ATP2B4: variants seen among roughly 807,000 people sequenced by gnomAD.
ATP2B4 encodes the protein plasma membrane calcium-transporting ATPase 4.
In ATP2B4, 39 loss-of-function variants were observed where a neutral mutation model predicts 110.3. That is an observed-to-expected ratio of 0.35 (90% confidence interval 0.27 to 0.46). The LOEUF is 0.46. Ranked by LOEUF, ATP2B4 falls within the 20% of genes least tolerant of loss-of-function variation. ATP2B4 has a pLI of 1.00. For missense variants in ATP2B4, 1,135 were observed against 1,530.9 expected (o/e 0.74, Z 4.32); for synonymous variants, 538 against 571.7 (o/e 0.94, Z 0.84).
intron 15 of ATP2B4, among the ~76,000 whole-genome samples, chr1:203,718,150 A>C (rs1157085267): frequency 2.0e-5 from 3 of 152,056 alleles, no homozygotes; most frequent in Non-Finnish European, 4.4e-5. Flanking sequence ...TCGTGAATTC[A>C]TATTTCTGTT....
chr1:203,711,842 A>C, intron 12 of ATP2B4, 118 bp from the exon 13 acceptor site: 4 of 1,158,976 alleles, frequency 3.5e-6, no homozygotes, highest in Non-Finnish European at 4.9e-6. Flanking sequence ...CCCATGCTGC[A>C]TGGCACCACT....
chr1:203,696,762 G>A (rs973747452), intron 2 of ATP2B4, among the ~76,000 whole-genome samples: 2 of 152,088 alleles, frequency 1.3e-5, no homozygotes, highest in Non-Finnish European at 2.9e-5. Context: ...TGTATGTGGT[G>A]CATGTTCTGT....
rs939519570 is a variant in ATP2B4, at chr1:203,725,128, G to A, written c.3132+1140G>A. ...CCTGACCTCGTGATCTGCCTGCCTT[G>A]GCCTCCCAAAGTGCTGGGATTACAG... On this transcript the variant is annotated intron_variant, in intron 19 of 20. Coordinates refer to ENST00000357681, the MANE Select transcript of ATP2B4 (RefSeq NM_001684.5). Among the ~76,000 whole-genome samples, 6 of 149,672 alleles carry A rather than the reference G, an allele frequency of 4.0e-5. No individual in the cohort carries two copies. The East Asian group carries it at 1.2e-3, about 30-fold the overall frequency.
Position 203,730,918 on chromosome 1 carries a change from C to T in ATP2B4, c.3309+3347C>T, listed in dbSNP as rs116467649. Among the ~76,000 whole-genome samples, 304 of 152,298 alleles carry T rather than the reference C, an allele frequency of 2.0e-3. 2 individuals carry two copies. The highest frequency in any genetic ancestry group is 6.5e-3 in the African/African-American group (272 of 41,562). On this transcript the variant is annotated intron_variant, in intron 20 of 20. Transcript: ENST00000357681. ...ACGTGTATCCTGGATCCCTGAGGTCCGCTCCCAACATCAGCCCTTCAGCCT... is the reference window on the plus strand; with the variant it reads ...ACGTGTATCCTGGATCCCTGAGGTCTGCTCCCAACATCAGCCCTTCAGCCT...
chr1:203,726,132 G>T (rs1181920053), intron 19 of ATP2B4, among the ~76,000 whole-genome samples: 1 of 151,058 alleles, frequency 6.6e-6, no homozygotes, highest in Non-Finnish European at 1.5e-5. Flanking sequence ...CCAGCTACTT[G>T]GGAGGCTGAA....
At chr1:203,698,409 C>T (rs1324927959) in intron 3 of ATP2B4, 55 bp downstream of exon 3, 2 of 1,558,154 alleles carry the variant, frequency 1.3e-6, no homozygotes, top group Admixed American at 1.7e-5. Flanking sequence ...TCCACCACCA[C>T]CACCAAGCGC....
At chr1:203,667,302 A>T (rs535471724) in intron 1 of ATP2B4, among the ~76,000 whole-genome samples, 2 of 152,190 alleles carry the variant, frequency 1.3e-5, no homozygotes, top group African/African-American at 2.4e-5. Context: ...TACTGAGAGG[A>T]GAAAGTTTCA....
intron 2 of ATP2B4, among the ~76,000 whole-genome samples, chr1:203,686,685 C>CTT (rs779048789): frequency 0.42 from 17,781 of 42,584 alleles, 5,396 homozygotes; most frequent in Non-Finnish European, 0.53. Context: ...TCTTTTCTTT[C>CTT]TTTTTTTTTT....
chr1:203,702,987 G>A (rs1368602769), intron 7 of ATP2B4, among the ~76,000 whole-genome samples: 2 of 152,062 alleles, frequency 1.3e-5, no homozygotes, highest in African/African-American at 4.8e-5. Context: ...TATTCCAGGA[G>A]GTCCCTCACA....
rs2102248269 is a variant in ATP2B4 at position 203,743,185 on chromosome 1, G to A, written c.*3331G>A. ...TTACCTCACTGCTGAAAACCCAGAGGGGCGTGGCACACTCGCTTGTGTGGA... is the reference window on the plus strand; with the variant it reads ...TTACCTCACTGCTGAAAACCCAGAGAGGCGTGGCACACTCGCTTGTGTGGA... On this transcript the variant is annotated 3_prime_UTR_variant, in exon 21 of 21. Coordinates refer to ENST00000357681, the MANE Select transcript of ATP2B4 (RefSeq NM_001684.5). 1 of 152,752 alleles carries A rather than the reference G, an allele frequency of 6.5e-6. No homozygotes were observed. Among genetic ancestry groups the A allele is most frequent in the Admixed American group, 6.5e-5 (1 of 15,296 alleles). The allele number at this position is 152,752 out of a possible 1,614,324, so 9.5% of individuals were successfully genotyped here.
intron 15 of ATP2B4, among the ~76,000 whole-genome samples, chr1:203,719,799 C>T (rs1666269151): frequency 6.6e-6 from 1 of 151,806 alleles, no homozygotes; most frequent in Non-Finnish European, 1.5e-5. Flanking sequence ...TGATACCATA[C>T]CATCAACTCA....
At chr1:203,650,636 CCGGCCCGGGGCGAGGG>C (rs1400177655) in intron 1 of ATP2B4, among the ~76,000 whole-genome samples, 1 of 152,178 alleles carries the variant, frequency 6.6e-6, no homozygotes, top group African/African-American at 2.4e-5. Context: ...CCGAACTCGG[CCGGCCCGGGGCGAGGG>C]CGGGCGGGGA....
chr1:203,729,343 G>A (rs775105784), intron 20 of ATP2B4, among the ~76,000 whole-genome samples: 3 of 151,866 alleles, frequency 2.0e-5, no homozygotes, highest in East Asian at 2.0e-4. Context: ...TCAGGAGTTC[G>A]AGACCAGCCT....
chr1:203,688,507 GCCCAGGGTGGTCCTGAACT>G (rs1157679251), intron 2 of ATP2B4, among the ~76,000 whole-genome samples: 1 of 151,152 alleles, frequency 6.6e-6, no homozygotes, highest in Admixed American at 6.6e-5. Flanking sequence ...TCTCCATGTT[GCCCAGGGTGGTCCTGAACT>G]CCTGGCCTCA....
At chr1:203,707,316 CAT>C in intron 9 of ATP2B4, 93 bp downstream of exon 9, 2 of 1,290,394 alleles carry the variant, frequency 1.5e-6, no homozygotes, top group Non-Finnish European at 1.1e-6. Context: ...GCCATTCTAT[CAT>C]CTATAAACTT....
chr1:203,642,969 T>G (rs1447370355), intron 1 of ATP2B4, among the ~76,000 whole-genome samples: 1 of 152,206 alleles, frequency 6.6e-6, no homozygotes, highest in African/African-American at 2.4e-5. Context: ...TCTCCCTTCC[T>G]TTTCCATGGA....
intron 2 of ATP2B4, among the ~76,000 whole-genome samples, chr1:203,697,014 G>GC (rs1327523178): frequency 6.6e-6 from 1 of 152,158 alleles, no homozygotes; most frequent in Non-Finnish European, 1.5e-5. Flanking sequence ...AAACTTTGTG[G>GC]CCCCACCTTT....
chr1:203,709,551 C>A lies in ATP2B4; in HGVS notation c.1799+9C>A. On this transcript the variant is annotated intron_variant, in intron 11 of 20. Coordinates refer to ENST00000357681, the MANE Select transcript of ATP2B4 (RefSeq NM_001684.5). Reference sequence around the variant, plus strand: ...GAGATCATCTTGCGCAAGTGAGCACCCCCGACCACTCTGCTTCCCTTCAAG... The same window carrying A: ...GAGATCATCTTGCGCAAGTGAGCACACCCGACCACTCTGCTTCCCTTCAAG... The A allele has an allele frequency of 4.3e-6, 7 of 1,613,898 alleles. No homozygotes were observed. The highest frequency in any genetic ancestry group is 5.9e-6 in the Non-Finnish European group (7 of 1,179,880).
intron 2 of ATP2B4, among the ~76,000 whole-genome samples, chr1:203,686,153 CA>C (rs1473294423): frequency 2.0e-5 from 3 of 152,180 alleles, no homozygotes; most frequent in Non-Finnish European, 2.9e-5. Flanking sequence ...GTCACTTTTA[CA>C]GCCGTACTGA....
Sources: gnomAD v4.1 joint callset for allele counts (sites outside exome capture counted in the v4.1 genomes callset) on GRCh38, gnomAD v4.1.1 for gene constraint, MANE v1.5 for transcripts, NCBI Gene and HGNC (gene_info 2026-07-23, HGNC 2026-07-21) for gene names.